EEFSEC: variants seen among roughly 807,000 people sequenced by gnomAD.
EEFSEC encodes the protein selenocysteine-specific elongation factor.
In EEFSEC, 43 loss-of-function variants were observed where a neutral mutation model predicts 42.1. The observed-to-expected ratio is 1.02, with a 90% CI of 0.80 to 1.32. The LOEUF is 1.32. Among genes scored for constraint, EEFSEC ranks in the 40% most tolerant of loss-of-function variants. The probability of loss-of-function intolerance (pLI) is 0.00; values close to 1 mark genes in which losing one functional copy is unlikely to be tolerated. For synonymous variants in EEFSEC, 354 were observed against 339.1 expected, an observed-to-expected ratio of 1.04 and a Z score of -0.48; for missense variants, 745 against 803.6, an observed-to-expected ratio of 0.93 and a Z score of 0.88.
intron 1 of EEFSEC, among the ~76,000 whole-genome samples, chr3:128,170,179 G>A (rs1248728197): frequency 6.6e-6 from 1 of 152,166 alleles, no homozygotes; most frequent in East Asian, 1.9e-4. Flanking sequence ...TGTTGAGCAG[G>A]CATGGCCTAG....
chr3:128,399,329 G>A (rs573695185), intron 6 of EEFSEC, among the ~76,000 whole-genome samples: 24 of 152,226 alleles, frequency 1.6e-4, no homozygotes, highest in South Asian at 1.2e-3. Context: ...ATGGGGGTGC[G>A]GGGCGCTGGT....
intron 4 of EEFSEC, among the ~76,000 whole-genome samples, chr3:128,265,390 A>G (rs887050507): frequency 1.3e-5 from 2 of 152,188 alleles, no homozygotes; most frequent in African/African-American, 2.4e-5. Context: ...TCCTTCTACT[A>G]TGATGGCCTG....
Position 128,291,771 on chromosome 3 carries a change from CT to C in EEFSEC, c.786+26996del, listed in dbSNP as rs959755915. Among the ~76,000 whole-genome samples, 284 of 152,150 alleles carry C rather than the reference CT, an allele frequency of 1.9e-3. 5 individuals carry two copies. Among genetic ancestry groups the C allele is most frequent in the African/African-American group, 6.3e-3 (261 of 41,500 alleles). ...AATAATTCCTTTCTACACTTTTTGC[CT>C]TTTTTCCCCCTAGCTTTAATTCACT... is the stretch of plus-strand genomic sequence containing the variant. On this transcript the variant is annotated intron_variant, in intron 4 of 6. Transcript: ENST00000254730.
At chr3:128,423,478 CAATA>C in the EEFSEC span, among the ~76,000 whole-genome samples, 669 of 150,530 alleles carry the variant, frequency 4.4e-3, 4 homozygotes, top group African/African-American at 0.015. Flanking sequence ...GACCCTGTCT[CAATA>C]AATAAATAAA....
Position 128,341,236 on chromosome 3 carries a change from G to A in EEFSEC, c.790G>A (p.Val264Met). 1 of 1,602,746 alleles carries A rather than the reference G, an allele frequency of 6.2e-7. No homozygotes were observed. Among genetic ancestry groups the A allele is most frequent in the South Asian group, 1.1e-5 (1 of 88,776 alleles). The change falls in exon 5 of 7, where the codon GTG (valine) becomes ATG (methionine). Residue 264 changes from valine (V) to methionine (M), a missense_variant. Val to Met is a conservative substitution (Grantham distance 21). Coordinates refer to ENST00000254730, the MANE Select transcript of EEFSEC (RefSeq NM_021937.5). Reference protein sequence around the residue: ...DSVEIPALKVVKKVKSMQMFH... With the variant: ...DSVEIPALKVMKKVKSMQMFH... ...TCTCTTGCTTACTCCCCATCAGGTG[G>A]TGAAGAAGGTGAAGTCCATGCAGAT...
chr3:128,386,758 T>C (rs55943388), intron 6 of EEFSEC, among the ~76,000 whole-genome samples: 10,263 of 151,492 alleles, frequency 0.068, 688 homozygotes, highest in African/African-American at 0.18. Flanking sequence ...AGCAAGAGAG[T>C]GAGGAGGAGG....
intron 1 of EEFSEC, among the ~76,000 whole-genome samples, chr3:128,233,079 C>G (rs1410485286): frequency 6.6e-6 from 1 of 152,214 alleles, no homozygotes; most frequent in Non-Finnish European, 1.5e-5. Context: ...CTTAGCAGGA[C>G]TGAAGGTCAT....
chr3:128,416,420 C>T, the EEFSEC span, among the ~76,000 whole-genome samples: 44 of 152,310 alleles, frequency 2.9e-4, no homozygotes, highest in East Asian at 7.5e-3. Context: ...CCTCAGGGTT[C>T]CCTCGCACAC....
At position 128,332,513 on chromosome 3, in the gene EEFSEC, G is replaced by A. The variant is rs535789174; in HGVS notation, c.787-8720G>A. Among the ~76,000 whole-genome samples the A allele has an allele frequency of 9.4e-4, 143 of 152,282 alleles. 1 individual carries two copies. Among genetic ancestry groups the A allele is most frequent in the South Asian group, 2.1e-3 (10 of 4,820 alleles). ...GTCACCCAGGCGGGAGTGCAATGGC[G>A]CAATATCGGGTCACTGCAACCTCCA... On this transcript the variant is annotated intron_variant, in intron 4 of 6. Transcript: ENST00000254730.
chr3:128,397,108 C>G (rs1253515441), intron 6 of EEFSEC, among the ~76,000 whole-genome samples: 1 of 152,234 alleles, frequency 6.6e-6, no homozygotes, highest in Non-Finnish European at 1.5e-5. Flanking sequence ...TGCCCTGGGC[C>G]TGGGAGATGC....
At chr3:128,259,946 T>G (rs1348122837) in intron 2 of EEFSEC, among the ~76,000 whole-genome samples, 1 of 152,200 alleles carries the variant, frequency 6.6e-6, no homozygotes, top group African/African-American at 2.4e-5. Context: ...ATGTTTCTAC[T>G]TTTTGGCTAT....
chr3:128,153,956 A>C, intron 1 of EEFSEC, 133 bp downstream of exon 1: 1 of 1,312,372 alleles, frequency 7.6e-7, no homozygotes, highest in Admixed American at 3.6e-5. Context: ...CTGACGCCCC[A>C]AGAGGCGGAC....
chr3:128,245,870 C>T (rs2066121585), intron 1 of EEFSEC, among the ~76,000 whole-genome samples: 1 of 152,134 alleles, frequency 6.6e-6, no homozygotes, highest in Admixed American at 6.5e-5. Flanking sequence ...CTATCCCCAG[C>T]AGTGGGATAG....
At chr3:128,409,220 T>C (rs2068156909), downstream of EEFSEC, among the ~76,000 whole-genome samples, 2 of 152,248 alleles carry the variant, frequency 1.3e-5, no homozygotes, top group South Asian at 2.1e-4. Flanking sequence ...AAACGTTCCT[T>C]TATTTGGTCT....
intron 1 of EEFSEC, among the ~76,000 whole-genome samples, chr3:128,206,755 C>A (rs969500582): frequency 3.9e-5 from 6 of 152,210 alleles, no homozygotes; most frequent in African/African-American, 1.4e-4. Flanking sequence ...TAGGTGGGCT[C>A]CTCTCTGTCT....
At chr3:128,163,785 G>A (rs535335018) in intron 1 of EEFSEC, among the ~76,000 whole-genome samples, 1 of 152,128 alleles carries the variant, frequency 6.6e-6, no homozygotes. Flanking sequence ...CATATAAGTA[G>A]ATCACACAAT....
intron 1 of EEFSEC, among the ~76,000 whole-genome samples, chr3:128,164,180 T>C (rs1251935247): frequency 1.3e-5 from 2 of 151,624 alleles, no homozygotes; most frequent in Non-Finnish European, 2.9e-5. Flanking sequence ...TTGGTGTTTT[T>C]CTCCACTCAC....
intron 1 of EEFSEC, among the ~76,000 whole-genome samples, chr3:128,199,455 T>C (rs990102541): frequency 1.3e-5 from 2 of 152,250 alleles, no homozygotes; most frequent in Non-Finnish European, 2.9e-5. Flanking sequence ...TCCCTCTGCT[T>C]AGCAATGTCT....
chr3:128,247,898 G>A (rs550744799), intron 2 of EEFSEC, among the ~76,000 whole-genome samples: 116 of 152,244 alleles, frequency 7.6e-4, no homozygotes, highest in South Asian at 3.3e-3. Context: ...GGGAGGAGGT[G>A]GCTTGGGGAG....
Sources: allele counts gnomAD v4.1 joint callset (sites outside exome capture counted in the v4.1 genomes callset), GRCh38; gene constraint gnomAD v4.1.1; transcripts MANE v1.5; gene names NCBI Gene and HGNC (gene_info 2026-07-23, HGNC 2026-07-21).